PCDH15: variants seen among roughly 807,000 people sequenced by gnomAD.
The protein encoded by PCDH15 is protocadherin-15.
Under a neutral mutation model 178.5 loss-of-function variants are expected in PCDH15, and 129 were observed. The ratio of observed to expected loss-of-function variants is 0.72; its 90% CI spans 0.63 to 0.84. The LOEUF (loss-of-function observed/expected upper bound fraction) is 0.84. Ranked by LOEUF, PCDH15 falls within the 40% of genes least tolerant of loss-of-function variation. PCDH15 has a pLI of 0.00. For missense variants in PCDH15, 2,230 were observed against 2,099.9 expected (o/e 1.06, Z -1.21); for synonymous variants, 800 against 732.0 (o/e 1.09, Z -1.50).
chr10:53,887,868 G>A (rs1028649014), intron 26 of PCDH15, among the ~76,000 whole-genome samples: 1 of 151,890 alleles, frequency 6.6e-6, no homozygotes, highest in Non-Finnish European at 1.5e-5. Flanking sequence ...CAGCCTGGGC[G>A]ACAGAGCAAG....
intron 26 of PCDH15, among the ~76,000 whole-genome samples, chr10:53,890,657 T>C (rs1268448787): frequency 6.6e-6 from 1 of 152,142 alleles, no homozygotes; most frequent in Non-Finnish European, 1.5e-5. Context: ...CTAGTGTAGC[T>C]ACCACATAAA....
At position 54,518,425 on chromosome 10, in the gene PCDH15, A is replaced by G. The variant is rs547120439; in HGVS notation, c.157+9387T>C. Reference sequence around the variant, plus strand: ...ATACAAACTACCATCAGAGAATACTACAAACACCTCTACGCAAATAAACTG... The same window carrying G: ...ATACAAACTACCATCAGAGAATACTGCAAACACCTCTACGCAAATAAACTG... On this transcript the variant is annotated intron_variant, in intron 3 of 37. Transcript: ENST00000644397. Among the ~76,000 whole-genome samples the G allele has an allele frequency of 2.9e-3, 438 of 152,348 alleles. 2 individuals are homozygous for G. The highest frequency in any genetic ancestry group is 4.6e-3 in the Non-Finnish European group (311 of 68,036).
At chr10:55,189,472 T>A (rs933220787) in intron 1 of PCDH15, among the ~76,000 whole-genome samples, 1 of 151,826 alleles carries the variant, frequency 6.6e-6, no homozygotes, top group African/African-American at 2.4e-5. Flanking sequence ...AATAACCTCA[T>A]GTTTTTGTGA....
chr10:54,601,899 G>A (rs1345606412), intron 2 of PCDH15, among the ~76,000 whole-genome samples: 1 of 151,838 alleles, frequency 6.6e-6, no homozygotes, highest in Non-Finnish European at 1.5e-5. Context: ...CAGAAATACT[G>A]CATGTTCTCA....
intron 3 of PCDH15, among the ~76,000 whole-genome samples, chr10:54,891,364 C>G (rs918761812): frequency 2.0e-5 from 3 of 152,074 alleles, no homozygotes; most frequent in Non-Finnish European, 2.9e-5. Flanking sequence ...TTCTGGCCTT[C>G]AGACCTACTT....
At chr10:55,440,713 G>A (rs934374967) in intron 2 of PCDH15, among the ~76,000 whole-genome samples, 4 of 152,012 alleles carry the variant, frequency 2.6e-5, no homozygotes, top group Admixed American at 6.6e-5. Context: ...AAAGCACTCC[G>A]GGCATGTATC....
At chr10:54,237,953 T>C (rs933298055) in intron 8 of PCDH15, among the ~76,000 whole-genome samples, 1 of 152,206 alleles carries the variant, frequency 6.6e-6, no homozygotes, top group African/African-American at 2.4e-5. Context: ...TTGCTCACTT[T>C]CAAGAAACAC....
chr10:54,528,852 A>T (rs955647864), intron 2 of PCDH15, among the ~76,000 whole-genome samples: 1 of 152,012 alleles, frequency 6.6e-6, no homozygotes, highest in Non-Finnish European at 1.5e-5. Flanking sequence ...AAAAAATAGT[A>T]TGAGCTATAA....
chr10:53,913,508 C>T (rs1277630173), intron 25 of PCDH15, among the ~76,000 whole-genome samples: 3 of 150,420 alleles, frequency 2.0e-5, no homozygotes, highest in South Asian at 2.1e-4. Context: ...CTGAGGCAGG[C>T]GAATCACGAG....
intron 13 of PCDH15, among the ~76,000 whole-genome samples, chr10:54,168,380 T>C (rs188779736): frequency 0.4 from 60,120 of 149,174 alleles, 12,185 homozygotes; most frequent in Middle Eastern, 0.49. Context: ...TCGCTGAGTC[T>C]TTCTAATCTT....
intron 2 of PCDH15, among the ~76,000 whole-genome samples, chr10:55,499,597 A>G (rs909172934): frequency 6.6e-6 from 1 of 151,744 alleles, no homozygotes; most frequent in East Asian, 1.9e-4. Context: ...TCAAGATCAA[A>G]CCCTGACTCA....
At chr10:54,274,424 T>G (rs1275425039) in intron 8 of PCDH15, among the ~76,000 whole-genome samples, 1 of 152,048 alleles carries the variant, frequency 6.6e-6, no homozygotes, top group African/African-American at 2.4e-5. Context: ...TTTATATATT[T>G]TTAGTGTATA....
chr10:54,036,024 C>G (rs2093409037), intron 18 of PCDH15, among the ~76,000 whole-genome samples: 1 of 151,986 alleles, frequency 6.6e-6, no homozygotes, highest in South Asian at 2.1e-4. Context: ...CCTTAACTCT[C>G]TTCCTTTCTC....
At chr10:54,776,755 G>A (rs1444932954) in intron 1 of PCDH15, among the ~76,000 whole-genome samples, 1 of 152,160 alleles carries the variant, frequency 6.6e-6, no homozygotes, top group Non-Finnish European at 1.5e-5. Flanking sequence ...TTTATGCTCG[G>A]TTTGTTAGGT....
At chr10:54,312,596 C>T (rs1325513404) in intron 8 of PCDH15, among the ~76,000 whole-genome samples, 1 of 152,040 alleles carries the variant, frequency 6.6e-6, no homozygotes, top group Non-Finnish European at 1.5e-5. Context: ...TGTGAGGAAG[C>T]CCCAACAGCC....
intron 2 of PCDH15, among the ~76,000 whole-genome samples, chr10:55,431,675 C>T (rs1348000228): frequency 2.0e-5 from 3 of 152,168 alleles, no homozygotes; most frequent in Non-Finnish European, 1.5e-5. Flanking sequence ...GTCCCACTAA[C>T]TAAAACACAC....
intron 3 of PCDH15, among the ~76,000 whole-genome samples, chr10:54,454,426 CATT>C (rs3070712): frequency 0.16 from 23,906 of 148,158 alleles, 2,048 homozygotes; most frequent in East Asian, 0.29. Flanking sequence ...AAATATTAAA[CATT>C]ATTAATATTT....
At chr10:54,967,103 T>G (rs1838811621) in intron 2 of PCDH15, among the ~76,000 whole-genome samples, 1 of 152,162 alleles carries the variant, frequency 6.6e-6, no homozygotes, top group African/African-American at 2.4e-5. Flanking sequence ...TACTCAGCTT[T>G]AGACTTTATA....
chr10:54,860,021 G>C (rs1953811645), intron 3 of PCDH15, among the ~76,000 whole-genome samples: 2 of 152,006 alleles, frequency 1.3e-5, no homozygotes, highest in South Asian at 4.1e-4. Flanking sequence ...GATCTGGTCA[G>C]TGCTAAGCAA....
Sources: allele counts gnomAD v4.1 joint callset (sites outside exome capture counted in the v4.1 genomes callset), GRCh38; gene constraint gnomAD v4.1.1; transcripts MANE v1.5; gene names NCBI Gene and HGNC (gene_info 2026-07-23, HGNC 2026-07-21).